The following NRXN3 variants were observed in gnomAD, a reference collection of about 807,000 sequenced individuals.
NRXN3 encodes neurexin 3, also known as neurexin III.
NRXN3 carries 32 observed loss-of-function variants against 137.6 expected under a neutral mutation model. The ratio of observed to expected loss-of-function variants is 0.23; its 90% CI spans 0.18 to 0.31. The LOEUF (loss-of-function observed/expected upper bound fraction) is 0.31. Among genes scored for constraint, NRXN3 ranks in the 10% least tolerant of loss-of-function variants. The probability of loss-of-function intolerance (pLI) is 1.00; values close to 1 mark genes in which losing one functional copy is unlikely to be tolerated. For synonymous variants in NRXN3, 798 were observed against 784.5 expected, an observed-to-expected ratio of 1.02 and a Z score of -0.29; for missense variants, 1,574 against 2,062.5, an observed-to-expected ratio of 0.76 and a Z score of 4.59.
chr14:79,440,397 G>T (rs1459865153), intron 15 of NRXN3, among the ~76,000 whole-genome samples: 1 of 152,142 alleles, frequency 6.6e-6, no homozygotes, highest in Non-Finnish European at 1.5e-5. Flanking sequence ...ACAACAAGGC[G>T]TATGAACAGC....
chr14:78,212,509 C>A (rs757620987), intron 1 of NRXN3, among the ~76,000 whole-genome samples: 1 of 152,196 alleles, frequency 6.6e-6, no homozygotes, highest in African/African-American at 2.4e-5. Context: ...TACTTTTGGT[C>A]TCCCCATTTC....
intron 16 of NRXN3, chr14:79,572,795 T>C (rs2097620792): frequency 6.6e-6 from 1 of 152,172 alleles, no homozygotes; most frequent in Non-Finnish European, 1.5e-5. Flanking sequence ...AGGTGTAGCA[T>C]AGAAGGCAGA....
chr14:79,557,185 TA>T (rs2153766096), intron 16 of NRXN3, among the ~76,000 whole-genome samples: 1 of 152,144 alleles, frequency 6.6e-6, no homozygotes, highest in African/African-American at 2.4e-5. Flanking sequence ...CTGTTCTACT[TA>T]TTACCTTCTT....
intron 10 of NRXN3, among the ~76,000 whole-genome samples, chr14:78,924,382 T>C (rs889238612): frequency 1.3e-5 from 2 of 152,104 alleles, no homozygotes. Flanking sequence ...ATAGATATCA[T>C]AAGCCCTATT....
chr14:79,360,912 T>A (rs1046697578), intron 15 of NRXN3, among the ~76,000 whole-genome samples: 1 of 152,204 alleles, frequency 6.6e-6, no homozygotes, highest in Non-Finnish European at 1.5e-5. Flanking sequence ...CAGTAGTAGT[T>A]GCTCAATAAA....
chr14:78,659,994 A>G (rs7159764), intron 6 of NRXN3, among the ~76,000 whole-genome samples: 2,042 of 152,158 alleles, frequency 0.013, 43 homozygotes, highest in African/African-American at 0.047. Context: ...AGGAAGAAGG[A>G]GCGAAACCCT....
intron 15 of NRXN3, among the ~76,000 whole-genome samples, chr14:79,089,910 A>G (rs1473914323): frequency 6.6e-6 from 1 of 152,148 alleles, no homozygotes; most frequent in Non-Finnish European, 1.5e-5. Context: ...ATGACTTTTC[A>G]TCTCTCAATC....
Position 79,859,722 on chromosome 14 carries a change from A to G in NRXN3, c.4094-1620A>G, listed in dbSNP as rs554127861. 1.6e-3 allele frequency among the ~76,000 whole-genome samples: 250 copies of G among 152,312 alleles called. 1 individual carries two copies. The highest frequency in any genetic ancestry group is 5.8e-3 in the African/African-American group (239 of 41,564). ...CAGCAAAGTTATTACCAAGTGTAAG[A>G]GACACACGTACGTGGTACCAGTTGA... On this transcript the variant is annotated intron_variant, in intron 20 of 20. Transcript: ENST00000335750.
intron 4 of NRXN3, among the ~76,000 whole-genome samples, chr14:78,522,111 G>A (rs768528141): frequency 6.6e-6 from 1 of 152,130 alleles, no homozygotes; most frequent in Non-Finnish European, 1.5e-5. Flanking sequence ...CACTAGAAAA[G>A]CCATAACGAT....
In NRXN3 at chr14:79,377,891, G is replaced by T. The variant is rs572343761; in HGVS notation, c.3263-89330G>T. On this transcript the variant is annotated intron_variant, in intron 15 of 20. Transcript: ENST00000335750. ...CAGAAATGCATAGCAAAGAAGTGGG[G>T]TGTTGAAAGGAACAGCTGGGATATC... 5.3e-5 allele frequency among the ~76,000 whole-genome samples: 8 copies of T among 152,322 alleles called. No individual in the cohort carries two copies. The East Asian group carries it at 1.3e-3, about 26-fold the overall frequency.
At chr14:79,308,697 A>G (rs1251280512) in intron 15 of NRXN3, among the ~76,000 whole-genome samples, 2 of 152,050 alleles carry the variant, frequency 1.3e-5, no homozygotes, top group East Asian at 1.9e-4. Flanking sequence ...TGGAAGCTAG[A>G]TGAAGAACAA....
At chr14:78,234,214 G>C (rs995696377) in intron 1 of NRXN3, among the ~76,000 whole-genome samples, 1 of 152,144 alleles carries the variant, frequency 6.6e-6, no homozygotes, top group Non-Finnish European at 1.5e-5. Context: ...CCAGTCTCAG[G>C]TATGTCTCTA....
At chr14:79,050,953 C>A (rs1047469997) in intron 15 of NRXN3, among the ~76,000 whole-genome samples, 1 of 152,204 alleles carries the variant, frequency 6.6e-6, no homozygotes, top group African/African-American at 2.4e-5. Flanking sequence ...ATAGAATGAA[C>A]ACTCTGTGCC....
intron 10 of NRXN3, among the ~76,000 whole-genome samples, chr14:78,849,716 G>T (rs1195450499): frequency 5.3e-5 from 8 of 152,052 alleles, no homozygotes. Context: ...GGAATTGGGG[G>T]TAGGGTGCAG....
chr14:78,177,019 AC>A (rs1488848324), intron 1 of NRXN3, among the ~76,000 whole-genome samples: 1 of 150,470 alleles, frequency 6.6e-6, no homozygotes, highest in Non-Finnish European at 1.5e-5. Flanking sequence ...ATGGAGGAGG[AC>A]CCCCATTCCA....
chr14:79,067,344 A>G (rs140149707), intron 15 of NRXN3, among the ~76,000 whole-genome samples: 1,786 of 152,168 alleles, frequency 0.012, 31 homozygotes, highest in African/African-American at 0.038. Context: ...AAGCTTTTTG[A>G]TGTGCTGCCG....
At chr14:78,673,052 G>A (rs1287623366) in intron 6 of NRXN3, among the ~76,000 whole-genome samples, 1 of 152,194 alleles carries the variant, frequency 6.6e-6, no homozygotes, top group African/African-American at 2.4e-5. Flanking sequence ...GTGCTCAGTG[G>A]TTAATTACCA....
intron 10 of NRXN3, among the ~76,000 whole-genome samples, chr14:78,836,201 A>G (rs548056026): frequency 3.6e-4 from 55 of 152,212 alleles, no homozygotes; most frequent in Non-Finnish European, 3.1e-4. Context: ...CTTAGGAAAC[A>G]GGCAAGACAC....
At chr14:78,814,628 A>G (rs2098925903) in intron 10 of NRXN3, among the ~76,000 whole-genome samples, 1 of 152,146 alleles carries the variant, frequency 6.6e-6, no homozygotes, top group Non-Finnish European at 1.5e-5. Context: ...ACAAAAACAA[A>G]AACAAAAGCA....
Sources: allele counts gnomAD v4.1 joint callset (sites outside exome capture counted in the v4.1 genomes callset), GRCh38; gene constraint gnomAD v4.1.1; transcripts MANE v1.5; gene names NCBI Gene and HGNC (gene_info 2026-07-23, HGNC 2026-07-21).